Variants in AFF3 observed in about 807,000 individuals in gnomAD.
The protein encoded by AFF3 is AF4/FMR2 family member 3.
In AFF3, 32 loss-of-function variants were observed where a neutral mutation model predicts 129.7. That is an observed-to-expected ratio of 0.25 (90% CI 0.19 to 0.33). AFF3 has a LOEUF of 0.33. AFF3 is among the 10% of genes least tolerant of loss of function. The pLI is 1.00. For missense variants in AFF3, 1,373 were observed against 1,592.0 expected (o/e 0.86, Z 2.34); for synonymous variants, 644 against 635.4 (o/e 1.01, Z -0.20).
intron 11 of AFF3, among the ~76,000 whole-genome samples, chr2:99,712,558 G>C (rs1195715560): frequency 1.3e-5 from 2 of 152,220 alleles, no homozygotes; most frequent in Non-Finnish European, 2.9e-5. Context: ...AACAGGGGCT[G>C]ACAAAAGTGA....
intron 13 of AFF3, among the ~76,000 whole-genome samples, chr2:99,606,576 A>C (rs1176483167): frequency 1.3e-5 from 2 of 152,308 alleles, no homozygotes; most frequent in East Asian, 3.9e-4. Context: ...AAAGAGATTG[A>C]ATCTTTCGAG....
intron 11 of AFF3, among the ~76,000 whole-genome samples, chr2:99,685,606 G>A (rs757914458): frequency 3.9e-5 from 6 of 152,118 alleles, no homozygotes; most frequent in African/African-American, 7.2e-5. Flanking sequence ...GCAGAATCAA[G>A]TCCTTTGTTG....
chr2:99,962,543 A>C (rs1677328547), intron 7 of AFF3, among the ~76,000 whole-genome samples: 1 of 152,156 alleles, frequency 6.6e-6, no homozygotes, highest in South Asian at 2.1e-4. Context: ...ATAAAACCAA[A>C]ATCTCAGCTG....
chr2:99,676,762 G>C (rs1247241086), intron 11 of AFF3, among the ~76,000 whole-genome samples: 2 of 152,174 alleles, frequency 1.3e-5, no homozygotes, highest in African/African-American at 4.8e-5. Context: ...CTGAGAGATG[G>C]TGGAGGGGAA....
intron 3 of AFF3, chr2:100,104,780 G>A (rs1480505843): frequency 6.0e-5 from 52 of 873,226 alleles, no homozygotes; most frequent in Non-Finnish European, 6.5e-5. Flanking sequence ...CCCTCGCGGC[G>A]GCCCGGCCCG....
intron 8 of AFF3, among the ~76,000 whole-genome samples, chr2:99,764,552 T>C (rs1682857199): frequency 6.6e-6 from 1 of 152,188 alleles, no homozygotes; most frequent in East Asian, 1.9e-4. Context: ...AATGAAACAT[T>C]AAAAAAATTT....
At chr2:99,736,054 C>T (rs148595440) in intron 10 of AFF3, among the ~76,000 whole-genome samples, 1 of 151,984 alleles carries the variant, frequency 6.6e-6, no homozygotes, top group Non-Finnish European at 1.5e-5. Context: ...CTTTATGGTC[C>T]AGTAGTTGTC....
At chr2:100,124,101 G>T (rs1307467798) in intron 2 of AFF3, among the ~76,000 whole-genome samples, 1 of 152,090 alleles carries the variant, frequency 6.6e-6, no homozygotes, top group Non-Finnish European at 1.5e-5. Flanking sequence ...AAAATATTTG[G>T]AAAATAAGCC....
intron 8 of AFF3, among the ~76,000 whole-genome samples, chr2:99,788,328 C>T (rs1254899027): frequency 1.3e-5 from 2 of 152,098 alleles, no homozygotes; most frequent in African/African-American, 2.4e-5. Flanking sequence ...GAGGACAGCT[C>T]CACGCATGTT....
intron 7 of AFF3, among the ~76,000 whole-genome samples, chr2:99,866,085 G>C (rs1024147369): frequency 1.5e-4 from 23 of 152,184 alleles, no homozygotes; most frequent in African/African-American, 5.6e-4. Flanking sequence ...TTGCTGAAGA[G>C]AGTAAGGCAA....
chr2:99,690,323 G>A (rs1184986746), intron 11 of AFF3, among the ~76,000 whole-genome samples: 1 of 150,844 alleles, frequency 6.6e-6, no homozygotes, highest in Non-Finnish European at 1.5e-5. Flanking sequence ...TGGGACTACA[G>A]GCACCCGCCA....
chr2:99,746,150 T>C (rs1343585906), intron 9 of AFF3, among the ~76,000 whole-genome samples: 10 of 150,538 alleles, frequency 6.6e-5, no homozygotes, highest in Non-Finnish European at 1.2e-4. Context: ...TATGAAAGAC[T>C]TACACAAGAA....
At chr2:100,025,080 G>C (rs1683928740) in intron 4 of AFF3, among the ~76,000 whole-genome samples, 1 of 151,980 alleles carries the variant, frequency 6.6e-6, no homozygotes, top group Non-Finnish European at 1.5e-5. Flanking sequence ...TAAAATTAAG[G>C]TAGTAACTAT....
rs540250995 is a variant in AFF3, at chr2:99,892,694, G to A, written c.874-55170C>T. Among the ~76,000 whole-genome samples, 11 of 152,286 alleles carry A rather than the reference G, an allele frequency of 7.2e-5. No homozygotes were observed. In the South Asian group the frequency reaches 2.1e-3, roughly 29 times the overall value. ...ACCTGCCCTGGACGGCAGTTCCAGAGGTCCCTTCAGAGCAGGCCCACTGCT... is the reference window on the plus strand; with the variant it reads ...ACCTGCCCTGGACGGCAGTTCCAGAAGTCCCTTCAGAGCAGGCCCACTGCT... On this transcript the variant is annotated intron_variant, in intron 7 of 24. Transcript: ENST00000672756.
intron 2 of AFF3, chr2:100,105,946 C>A (rs1342934705): frequency 7.5e-7 from 1 of 1,328,132 alleles, no homozygotes; most frequent in Non-Finnish European, 1.0e-6. Context: ...GGGCAAGAAC[C>A]GCTGACTGGG....
At chr2:99,591,361 T>C (rs892999132) in intron 15 of AFF3, among the ~76,000 whole-genome samples, 3 of 152,020 alleles carry the variant, frequency 2.0e-5, no homozygotes, top group African/African-American at 7.2e-5. Flanking sequence ...TAATTTTTTG[T>C]ATTTTAGTAG....
intron 11 of AFF3, among the ~76,000 whole-genome samples, chr2:99,680,063 C>T (rs79430745): frequency 0.014 from 2,194 of 152,304 alleles, 27 homozygotes; most frequent in Non-Finnish European, 0.023. Context: ...AAGTGCCACA[C>T]ACGGTTTGTG....
At chr2:99,695,693 T>C (rs1431206592) in intron 11 of AFF3, among the ~76,000 whole-genome samples, 1 of 152,002 alleles carries the variant, frequency 6.6e-6, no homozygotes, top group Non-Finnish European at 1.5e-5. Flanking sequence ...AGCAGAAGAT[T>C]TCTCAAATGC....
At chr2:100,075,031 T>C (rs59447631) in intron 4 of AFF3, among the ~76,000 whole-genome samples, 23,538 of 152,118 alleles carry the variant, frequency 0.15, 2,025 homozygotes, top group East Asian at 0.28. Context: ...TGACAATGAG[T>C]ATAAATACAA....
Sources: gnomAD v4.1 joint callset for allele counts (sites outside exome capture counted in the v4.1 genomes callset) on GRCh38, gnomAD v4.1.1 for gene constraint, MANE v1.5 for transcripts, NCBI Gene and HGNC (gene_info 2026-07-23, HGNC 2026-07-21) for gene names.